Variants in SLC9A3 observed in about 807,000 individuals in gnomAD.
SLC9A3 encodes solute carrier family 9 member A3, also known as sodium/hydrogen exchanger 3.
A neutral mutation model predicts 86.8 loss-of-function variants in SLC9A3; 37 were observed. That is an observed-to-expected ratio of 0.43 (90% confidence interval 0.33 to 0.56). The LOEUF (loss-of-function observed/expected upper bound fraction) is 0.56, where lower values mean the gene tolerates loss of function less well. SLC9A3 is among the 20% of genes least tolerant of loss of function. SLC9A3 has a pLI of 0.06. For missense variants in SLC9A3, 1,011 were observed against 1,171.9 expected (o/e 0.86, Z 2.00); for synonymous variants, 581 against 528.3 (o/e 1.10, Z -1.37).
rs1553999262 is a variant in SLC9A3, at chr5:507,163, C to CTGCTTTTTTTTTTTTTT, written c.212-15093_212-15092insAAAAAAAAAAAAAAGCA. Among the ~76,000 whole-genome samples, 6 of 34,736 alleles carry CTGCTTTTTTTTTTTTTT rather than the reference C, an allele frequency of 1.7e-4. 1 individual carries two copies. Among genetic ancestry groups the CTGCTTTTTTTTTTTTTT allele is most frequent in the African/African-American group, 2.6e-4 (2 of 7,806 alleles). The allele number at this position is 34,736 out of a possible 152,430, so 22.8% of individuals were successfully genotyped here. A position where few individuals can be genotyped will look rare whatever the true frequency, so the allele number is the denominator to read the frequency against. On this transcript the variant is annotated intron_variant, in intron 1 of 16. Transcript: ENST00000264938. ...GTAAGAAGGAGGGATCCGGCTGCTG[C>CTGCTTTTTTTTTTTTTT]TTCTTTTTTTTTTTTTTTTTTTTGA...
rs1303075270 is a variant in SLC9A3 at position 471,585 on chromosome 5, AAC to A, written c.*1792_*1793del. 2.8e-6 allele frequency: 1 copy of A among 358,364 alleles called. No individual in the cohort carries two copies. Among genetic ancestry groups the A allele is most frequent in the East Asian group, 7.3e-5 (1 of 13,734 alleles). 22.2% of individuals were successfully genotyped at this position (358,364 alleles called of 1,614,324 possible). ...CGTCAGGACGGTGGCTGCAGCAGGG[AAC>A]CAGGGCTGGCCTTGGATCTGTCCAG... On this transcript the variant is annotated 3_prime_UTR_variant, in exon 17 of 17. Coordinates refer to ENST00000264938, the MANE Select transcript of SLC9A3 (RefSeq NM_004174.4).
In SLC9A3 at chr5:494,097, G is replaced by A. The variant is rs577843688; in HGVS notation, c.212-2026C>T. 7.9e-5 allele frequency among the ~76,000 whole-genome samples: 12 copies of A among 152,352 alleles called. No homozygotes were observed. In the East Asian group the frequency reaches 2.1e-3, roughly 27 times the overall value. ...TCCAGCTTTCAGCAGGAGAGCATCC[G>A]TAGGGTTGACCTTGCTCTCTCCCCA... is the stretch of plus-strand genomic sequence containing the variant. On this transcript the variant is annotated intron_variant, in intron 1 of 16. Transcript: ENST00000264938.
In SLC9A3 at chr5:488,472, G is replaced by T. The variant is rs774086234; in HGVS notation, c.519C>A (p.Asp173Glu). Residue 173 changes from aspartate to glutamate, a missense_variant, in exon 3 of 17, where the codon GAC becomes GAA. Asp to Glu is a conservative substitution (Grantham distance 45, BLOSUM62 2). Transcript: ENST00000264938. ...YGVFLSGLMGDLQIGLLDFLL... is the reference protein window; with the variant it reads ...YGVFLSGLMGELQIGLLDFLL... ...GGAAGTCCAGCAGCCCAATCTGCAG[G>T]TCGCCTGGAAGACAAGCCGGGCCGC... The T allele has an allele frequency of 6.4e-7, 1 of 1,563,138 alleles. No individual in the cohort carries two copies. The highest frequency in any genetic ancestry group is 1.8e-5 in the Admixed American group (1 of 55,518).
At chr5:513,928 C>T (rs1183602980) in intron 1 of SLC9A3, among the ~76,000 whole-genome samples, 1 of 152,236 alleles carries the variant, frequency 6.6e-6, no homozygotes, top group East Asian at 1.9e-4. Flanking sequence ...GCAGGCGGGC[C>T]ACGCACAGCC....
At chr5:519,890 G>A (rs536892808) in intron 1 of SLC9A3, among the ~76,000 whole-genome samples, 46 of 152,200 alleles carry the variant, frequency 3.0e-4, no homozygotes, top group Middle Eastern at 3.4e-3. Context: ...GTGCCCTAGC[G>A]TCCTCCTGAC....
At chr5:492,127 AG>A (rs1739779099) in intron 1 of SLC9A3, 56 bp from the exon 2 acceptor site, 2 of 349,754 alleles carry the variant, frequency 5.7e-6, no homozygotes, top group African/African-American at 1.1e-4. Flanking sequence ...GAGGGAGGTC[AG>A]GGCCGGGCTG....
chr5:482,937 C>A (rs902653912), intron 6 of SLC9A3, among the ~76,000 whole-genome samples, 187 bp from the exon 7 acceptor site: 1 of 151,166 alleles, frequency 6.6e-6, no homozygotes, highest in African/African-American at 2.4e-5. Flanking sequence ...CCTGGCGTCT[C>A]CCCCCCACGC....
chr5:504,674 G>A (rs1423576609), intron 1 of SLC9A3, among the ~76,000 whole-genome samples: 1 of 152,172 alleles, frequency 6.6e-6, no homozygotes, highest in African/African-American at 2.4e-5. Flanking sequence ...CTCCCTCTGG[G>A]GCCATGGGCA....
intron 12 of SLC9A3, 21 bp downstream of exon 12, chr5:476,522 C>T: frequency 6.2e-7 from 1 of 1,608,004 alleles, no homozygotes; most frequent in South Asian, 1.1e-5. Flanking sequence ...GGTCCTCCAG[C>T]CCCCAGCCCG....
chr5:502,415 C>A (rs1349871499), intron 1 of SLC9A3, among the ~76,000 whole-genome samples: 1 of 152,240 alleles, frequency 6.6e-6, no homozygotes, highest in Non-Finnish European at 1.5e-5. Context: ...CAGGGCTTTG[C>A]TCAAAGCAGC....
intron 14 of SLC9A3, 56 bp from the exon 15 acceptor site, chr5:475,727 C>A: frequency 2.0e-6 from 2 of 986,902 alleles, no homozygotes; most frequent in Non-Finnish European, 3.2e-6. Flanking sequence ...GTCCTCACAG[C>A]CCAGTCAGCA....
chr5:483,198 C>T lies in SLC9A3; in HGVS notation c.1153+64G>A, dbSNP rs562811955. On this transcript the variant is annotated intron_variant, in intron 6 of 16. Transcript: ENST00000264938. ...CTCCCTGGGCCCAGTAGAAAGCCTG[C>T]GCCTTCCCGGAGACGGTGCCGGCCC... The T allele has an allele frequency of 1.2e-3, 1,468 of 1,265,370 alleles. 1 individual carries two copies. Among genetic ancestry groups the T allele is most frequent in the Admixed American group, 2.1e-3 (96 of 45,540 alleles). 78.4% of individuals were successfully genotyped at this position (1,265,370 alleles called of 1,614,324 possible). A position where few individuals can be genotyped will look rare whatever the true frequency, so the allele number is the denominator to read the frequency against.
intron 7 of SLC9A3, among the ~76,000 whole-genome samples, 171 bp downstream of exon 7, chr5:482,377 A>C (rs1739245661): frequency 6.6e-6 from 1 of 152,080 alleles, no homozygotes; most frequent in Admixed American, 6.5e-5. Flanking sequence ...TAGGACAATT[A>C]TGCTTCCTCC....
intron 3 of SLC9A3, 46 bp downstream of exon 3, chr5:488,270 G>A: frequency 6.2e-7 from 1 of 1,601,558 alleles, no homozygotes; most frequent in East Asian, 2.2e-5. Flanking sequence ...CGGGGCCCAG[G>A]CCTCCCACGG....
At chr5:521,057 C>A (rs1733871146) in intron 1 of SLC9A3, among the ~76,000 whole-genome samples, 1 of 152,246 alleles carries the variant, frequency 6.6e-6, no homozygotes. Flanking sequence ...GACACTAGGC[C>A]CTGCCGCCTC....
In SLC9A3 at chr5:476,053, T is replaced by C. The variant is rs368610931; in HGVS notation, c.2107A>G (p.Ser703Gly). The change falls in exon 14 of 17, where the codon AGC (serine) becomes GGC (glycine). Residue 703 changes from serine (S) to glycine (G), a missense_variant. Ser to Gly is a moderately conservative substitution (Grantham distance 56). Transcript: ENST00000264938. ...SIPNGKLPME[S>G]PAQNFTIKEK... is the part of the protein sequence containing the mutation. Reference sequence around the variant, plus strand: ...TTGATGGTGAAATTCTGCGCAGGGCTCTCCATGGGCAGCTTCCCATTGGGG... The same window carrying C: ...TTGATGGTGAAATTCTGCGCAGGGCCCTCCATGGGCAGCTTCCCATTGGGG... 2.3e-4 allele frequency: 371 copies of C among 1,613,062 alleles called. No individual in the cohort carries two copies. The highest frequency in any genetic ancestry group is 3.0e-4 in the Non-Finnish European group (354 of 1,179,840).
chr5:493,781 C>A (rs1739902104), intron 1 of SLC9A3, among the ~76,000 whole-genome samples: 1 of 150,562 alleles, frequency 6.6e-6, no homozygotes, highest in Non-Finnish European at 1.5e-5. Flanking sequence ...TGGGCCCCGT[C>A]CCCACCATGT....
intron 7 of SLC9A3, 51 bp downstream of exon 7, chr5:482,497 T>A: frequency 6.8e-7 from 1 of 1,461,758 alleles, no homozygotes; most frequent in Non-Finnish European, 9.5e-7. Flanking sequence ...GGGCCCAGGC[T>A]CCCCTCGCGG....
rs1418041648 is a variant in SLC9A3, at chr5:497,769, C to T, written c.212-5698G>A. ...CCTCTGCCCCTGTCCCGGGTGGGGTCGCCCGGCCGCATCCCCAGCCTCTGC... is the reference window on the plus strand; with the variant it reads ...CCTCTGCCCCTGTCCCGGGTGGGGTTGCCCGGCCGCATCCCCAGCCTCTGC... On this transcript the variant is annotated intron_variant, in intron 1 of 16. Coordinates refer to ENST00000264938, the MANE Select transcript of SLC9A3 (RefSeq NM_004174.4). The surrounding 1 kb of genome is among the most constrained non-coding windows in gnomAD (Gnocchi z 5.4). Among the ~76,000 whole-genome samples the T allele has an allele frequency of 2.2e-5, 2 of 92,468 alleles. No homozygotes were observed. The highest frequency in any genetic ancestry group is 4.4e-5 in the African/African-American group (1 of 22,740). 60.7% of individuals were successfully genotyped at this position (92,468 alleles called of 152,430 possible). A position where few individuals can be genotyped will look rare whatever the true frequency, so the allele number is the denominator to read the frequency against.
Sources: gnomAD v4.1 joint callset for allele counts (sites outside exome capture counted in the v4.1 genomes callset) on GRCh38, gnomAD v4.1.1 for gene constraint, Gnocchi (gnomAD v3.1) non-coding constraint, MANE v1.5 for transcripts, NCBI Gene and HGNC (gene_info 2026-07-23, HGNC 2026-07-21) for gene names.